Variants in RNF128 observed in about 807,000 individuals in gnomAD.
RNF128 encodes E3 ubiquitin-protein ligase RNF128.
In RNF128, 13 loss-of-function variants were observed where a neutral mutation model predicts 26.2. That is an observed-to-expected ratio of 0.50 (90% CI 0.32 to 0.79). The LOEUF is 0.79. RNF128 is among the 30% of genes least tolerant of loss of function. RNF128 has a pLI of 0.03. For missense variants in RNF128, 315 were observed against 349.7 expected (o/e 0.90, Z 0.79); for synonymous variants, 149 against 142.5 (o/e 1.05, Z -0.32).
At chrX:106,734,842 C>T (rs1215143830) in intron 1 of RNF128, among the ~76,000 whole-genome samples, 1 of 112,034 alleles carries the variant, frequency 8.9e-6, no homozygotes, top group East Asian at 2.8e-4. Flanking sequence ...GGAGCCCAGT[C>T]ACCCACAGAA....
At chrX:106,779,546 T>A (rs1041487254) in intron 2 of RNF128, among the ~76,000 whole-genome samples, 4 of 110,817 alleles carry the variant, frequency 3.6e-5, no homozygotes, top group African/African-American at 1.3e-4. Context: ...GAGATGTTAG[T>A]CAAACGATAC....
chrX:106,742,446 AC>A (rs1264259900), intron 1 of RNF128, among the ~76,000 whole-genome samples: 2 of 111,082 alleles, frequency 1.8e-5, no homozygotes, highest in Non-Finnish European at 3.8e-5. Flanking sequence ...CCCAAGCCCC[AC>A]CCCAGACATA....
intron 1 of RNF128, among the ~76,000 whole-genome samples, chrX:106,702,929 A>G (rs778080481): frequency 6.3e-5 from 7 of 112,000 alleles, no homozygotes; most frequent in African/African-American, 2.3e-4. Context: ...ACAGTATAGT[A>G]ATGTTAATAG....
chrX:106,792,376 G>A (rs1930843471), intron 6 of RNF128, among the ~76,000 whole-genome samples: 1 of 107,069 alleles, frequency 9.3e-6, no homozygotes, highest in Non-Finnish European at 1.9e-5. Context: ...TAGGGGTGGG[G>A]TGGGGGAAAA....
chrX:106,753,690 A>G (rs1929943191), intron 1 of RNF128, among the ~76,000 whole-genome samples: 1 of 111,933 alleles, frequency 8.9e-6, no homozygotes, highest in South Asian at 3.7e-4. Context: ...AGCCCCAACT[A>G]GCTGCCATCC....
intron 1 of RNF128, among the ~76,000 whole-genome samples, chrX:106,704,433 GAAAAAAAA>G (rs55870405): frequency 2.0e-5 from 1 of 49,467 alleles, no homozygotes; most frequent in Non-Finnish European, 3.5e-5. Flanking sequence ...CTCTGTCTCA[GAAAAAAAA>G]AAAAAAAAAA....
At chrX:106,754,151 T>C (rs190139533) in intron 1 of RNF128, among the ~76,000 whole-genome samples, 1 of 112,104 alleles carries the variant, frequency 8.9e-6, no homozygotes, top group East Asian at 2.8e-4. Flanking sequence ...GAAGACACAA[T>C]TGTCTCTTTG....
Position 106,712,390 on chromosome X carries a change from A to G in RNF128, c.406+17982A>G, listed in dbSNP as rs763474393. On this transcript the variant is annotated intron_variant, in intron 1 of 6. Transcript: ENST00000324342. ...TCAAAAAAGAAAAAAGTTAATTTTAAGATCTCAAGAAGAAAGCCAGTAAAG... is the reference window on the plus strand; with the variant it reads ...TCAAAAAAGAAAAAAGTTAATTTTAGGATCTCAAGAAGAAAGCCAGTAAAG... 1.0e-3 allele frequency among the ~76,000 whole-genome samples: 112 copies of G among 112,480 alleles called. 6 individuals are homozygous for G. Among genetic ancestry groups the G allele is most frequent in the Non-Finnish European group, 6.6e-4 (35 of 53,335 alleles).
chrX:106,736,313 A>G (rs1166757645), intron 1 of RNF128, among the ~76,000 whole-genome samples: 2 of 111,871 alleles, frequency 1.8e-5, no homozygotes, highest in Non-Finnish European at 3.8e-5. Context: ...GGTGGTTTAT[A>G]CAAGAAACTG....
chrX:106,788,390 TATATATTATATATA>T (rs1373461692), intron 4 of RNF128, among the ~76,000 whole-genome samples: 1 of 43,897 alleles, frequency 2.3e-5, no homozygotes, highest in Non-Finnish European at 3.4e-5. Flanking sequence ...TTATATATAA[TATATATTATATATA>T]ATATATAATA....
upstream of RNF128, chrX:106,726,688 C>G (rs1341784207): frequency 4.9e-6 from 5 of 1,018,810 alleles, no homozygotes; most frequent in East Asian, 4.1e-5. Flanking sequence ...CCCCAGAGCC[C>G]GACGCGGCAG....
intron 1 of RNF128, among the ~76,000 whole-genome samples, chrX:106,749,842 C>T (rs1929849585): frequency 9.2e-6 from 1 of 108,678 alleles, no homozygotes; most frequent in Non-Finnish European, 1.9e-5. Context: ...GAGGTGGAGA[C>T]TGCAGTGAGC....
intron 1 of RNF128, among the ~76,000 whole-genome samples, chrX:106,761,235 C>T (rs1156707599): frequency 8.9e-6 from 1 of 112,042 alleles, no homozygotes; most frequent in African/African-American, 3.2e-5. Flanking sequence ...GCAATACCAT[C>T]TCCCACCAGT....
intron 1 of RNF128, among the ~76,000 whole-genome samples, chrX:106,738,388 T>C (rs915106925): frequency 5.4e-5 from 6 of 111,801 alleles, no homozygotes. Context: ...TACTTCTCCA[T>C]TGGTTATTAT....
intron 1 of RNF128, among the ~76,000 whole-genome samples, chrX:106,757,891 A>C (rs1198140833): frequency 8.9e-6 from 1 of 111,940 alleles, no homozygotes; most frequent in Non-Finnish European, 1.9e-5. Flanking sequence ...CAGGACAGAT[A>C]TATCCACTTT....
At chrX:106,728,338 C>T (rs1444369704) in intron 1 of RNF128, among the ~76,000 whole-genome samples, 1 of 112,181 alleles carries the variant, frequency 8.9e-6, no homozygotes, top group East Asian at 2.8e-4. Flanking sequence ...AATTCCTACT[C>T]TGTTGCTTAC....
chrX:106,791,286 T>C, intron 6 of RNF128, 52 bp downstream of exon 6: 1 of 1,083,969 alleles, frequency 9.2e-7, no homozygotes, highest in East Asian at 3.0e-5. Flanking sequence ...TTGTAGATCA[T>C]ATGCCTGTAT....
intron 3 of RNF128, 143 bp from the exon 4 acceptor site, chrX:106,787,775 C>T (rs771558502): frequency 1.8e-4 from 65 of 369,381 alleles, no homozygotes; most frequent in Non-Finnish European, 2.8e-4. Context: ...GGGAACTTTA[C>T]AGTTACATAA....
At chrX:106,767,883 C>T (rs905271257) in intron 1 of RNF128, among the ~76,000 whole-genome samples, 44 of 111,666 alleles carry the variant, frequency 3.9e-4, no homozygotes, top group East Asian at 1.1e-3. Context: ...TTTTGAGATA[C>T]GTCCCATCAA....
Sources: allele counts gnomAD v4.1 joint callset (sites outside exome capture counted in the v4.1 genomes callset), GRCh38; gene constraint gnomAD v4.1.1; transcripts MANE v1.5; gene names NCBI Gene and HGNC (gene_info 2026-07-23, HGNC 2026-07-21).